Variants in FSD1 observed in about 807,000 individuals in gnomAD.
FSD1 encodes the protein fibronectin type III and SPRY domain containing 1.
In FSD1, 23 loss-of-function variants were observed where a neutral mutation model predicts 58.2. The ratio of observed to expected loss-of-function variants is 0.40; its 90% CI spans 0.28 to 0.56. The LOEUF (loss-of-function observed/expected upper bound fraction) is 0.56, where lower values mean the gene tolerates loss of function less well. Among genes scored for constraint, FSD1 ranks in the 20% least tolerant of loss-of-function variants. The pLI is 0.54. For missense variants in FSD1, 563 were observed against 670.8 expected, an observed-to-expected ratio of 0.84 and a Z score of 1.78; for synonymous variants, 265 against 263.4, an observed-to-expected ratio of 1.01 and a Z score of -0.06.
At chr19:4,316,989 T>C (rs1183264284) in intron 7 of FSD1, among the ~76,000 whole-genome samples, 193 bp from the exon 8 acceptor site, 3 of 151,998 alleles carry the variant, frequency 2.0e-5, no homozygotes, top group African/African-American at 4.8e-5. Context: ...CCAACCTCAG[T>C]TGATCCATGC....
chr19:4,313,150 C>A (rs1302228224), intron 7 of FSD1, among the ~76,000 whole-genome samples: 1 of 147,456 alleles, frequency 6.8e-6, no homozygotes, highest in Non-Finnish European at 1.5e-5. Context: ...GAGCTGGAGA[C>A]CAGCTTGGGT....
intron 8 of FSD1, among the ~76,000 whole-genome samples, chr19:4,317,555 G>T (rs1971768325): frequency 6.6e-6 from 1 of 152,212 alleles, no homozygotes; most frequent in African/African-American, 2.4e-5. Context: ...TAGAGCTGGG[G>T]ATGAGATTTG....
At position 4,321,176 on chromosome 19, in the gene FSD1, C is replaced by T. The variant is rs572296727; in HGVS notation, c.1040-1810C>T. Among the ~76,000 whole-genome samples, 29 of 109,476 alleles carry T rather than the reference C, an allele frequency of 2.6e-4. No individual in the cohort carries two copies. The Admixed American group carries it at 2.8e-3, about 11-fold the overall frequency. 71.8% of individuals were successfully genotyped at this position (109,476 alleles called of 152,430 possible). A position where few individuals can be genotyped will look rare whatever the true frequency, so the allele number is the denominator to read the frequency against. ...AGTATCTGGGGGGAATAGCTGGGAC[C>T]TGAGGAGCATCTGGAGGGAATAACT... On this transcript the variant is annotated intron_variant, in intron 10 of 12. Transcript: ENST00000221856.
In FSD1 at chr19:4,322,975, C is replaced by G. The variant is rs536864651; in HGVS notation, c.1040-11C>G. On this transcript the variant is annotated splice_polypyrimidine_tract_variant and intron_variant, in intron 10 of 12. Transcript: ENST00000221856. ...AGTTCCCCTGCCCACCCCTCCTGCC[C>G]TGCGCCACAGGGGACACGCTGATCG... 8 of 1,605,754 alleles carry G rather than the reference C, an allele frequency of 5.0e-6. No individual in the cohort carries two copies. In the East Asian group the frequency reaches 1.6e-4, roughly 32 times the overall value.
rs573182650 is a variant in FSD1, at chr19:4,323,011, G to T, written c.1065G>T (p.Glu355Asp). ...VLGDTLIDGG[E>D]HYWEVRYEPD... is the part of the protein sequence containing the mutation. ...GGGACACGCTGATCGACGGCGGGGA[G>T]CATTACTGGGAGGTGCGCTACGAGC... Residue 355 changes from glutamate to aspartate, a missense_variant, in exon 11 of 13, where the codon GAG becomes GAT. Glu to Asp is a conservative substitution (Grantham distance 45, BLOSUM62 2). Transcript: ENST00000221856. This position sits in a 1 kb window ranked among gnomAD's most constrained non-coding sequence, Gnocchi z 7.7. 6.2e-7 allele frequency: 1 copy of T among 1,611,658 alleles called. No individual in the cohort carries two copies. The highest frequency in any genetic ancestry group is 1.7e-5 in the Admixed American group (1 of 59,836).
chr19:4,310,515 A>C lies in FSD1; in HGVS notation c.409A>C (p.Lys137Gln). 1.2e-6 allele frequency: 2 copies of C among 1,613,752 alleles called. No homozygotes were observed. Among genetic ancestry groups the C allele is most frequent in the Non-Finnish European group, 1.7e-6 (2 of 1,179,766 alleles). ...APAFRLSLKA[K>Q]VSDNMSHLMV... ...TGCCTTCCGGCTATCATTGAAAGCG[A>C]AGGTCAGTGACAACATGAGTCACCT... The change falls in exon 6 of 13, where the codon AAG (lysine) becomes CAG (glutamine). Residue 137 changes from lysine to glutamine, a missense_variant. Coordinates refer to ENST00000221856, the MANE Select transcript of FSD1 (RefSeq NM_024333.3).
chr19:4,315,433 C>CA (rs1971743799), intron 7 of FSD1, among the ~76,000 whole-genome samples: 1 of 151,240 alleles, frequency 6.6e-6, no homozygotes. Context: ...CTCAGCCTCC[C>CA]AAGTAGCTGG....
At chr19:4,306,064 G>T (rs763711098) in intron 2 of FSD1, 23 bp downstream of exon 2, 40 of 1,605,360 alleles carry the variant, frequency 2.5e-5, no homozygotes, top group Non-Finnish European at 3.4e-5. Flanking sequence ...GGGCAGTCCT[G>T]GGGAGGTAAG....
chr19:4,322,852 G>T, intron 10 of FSD1, 134 bp from the exon 11 acceptor site: 1 of 1,119,088 alleles, frequency 8.9e-7, no homozygotes, highest in Non-Finnish European at 1.3e-6. Context: ...GGTACAGCTA[G>T]GAACCTGGGG....
intron 10 of FSD1, among the ~76,000 whole-genome samples, chr19:4,322,307 T>TG (rs373773101): frequency 1.3e-3 from 159 of 123,162 alleles, no homozygotes; most frequent in African/African-American, 4.8e-3. Flanking sequence ...GAGGAGTATC[T>TG]GGGGGGGCGG....
intron 10 of FSD1, among the ~76,000 whole-genome samples, chr19:4,319,745 G>C (rs1350913014): frequency 6.6e-6 from 1 of 152,054 alleles, no homozygotes; most frequent in South Asian, 2.1e-4. Flanking sequence ...GAGAGAGAGA[G>C]AGATCATCCT....
At chr19:4,311,302 AT>A (rs1971688367) in intron 6 of FSD1, 1 of 158,240 alleles carries the variant, frequency 6.3e-6, no homozygotes, top group South Asian at 1.9e-4. Context: ...CGCATCCCTC[AT>A]TGGCAGAGAT....
At chr19:4,307,741 C>T (rs574813236) in intron 3 of FSD1, 141 bp from the exon 4 acceptor site, 55 of 595,516 alleles carry the variant, frequency 9.2e-5, no homozygotes, top group African/African-American at 7.8e-4. Context: ...TTTGGTGGGG[C>T]GCTCAAGGCT....
intron 7 of FSD1, among the ~76,000 whole-genome samples, chr19:4,315,229 G>A (rs949910352): frequency 5.3e-5 from 8 of 150,992 alleles, no homozygotes; most frequent in African/African-American, 1.2e-4. Flanking sequence ...AGGTTCAAGC[G>A]ATTCTCCTGC....
At chr19:4,308,567 A>G (rs1181609218) in intron 4 of FSD1, among the ~76,000 whole-genome samples, 1 of 152,052 alleles carries the variant, frequency 6.6e-6, no homozygotes, top group African/African-American at 2.4e-5. Context: ...TACAAAAAAT[A>G]AAATAATTGG....
intron 7 of FSD1, among the ~76,000 whole-genome samples, chr19:4,314,067 G>T (rs115806669): frequency 0.01 from 1,598 of 152,210 alleles, 25 homozygotes; most frequent in African/African-American, 0.035. Flanking sequence ...TGATCCAGGG[G>T]AATCCCGGAG....
intron 8 of FSD1, among the ~76,000 whole-genome samples, chr19:4,317,962 A>G (rs1466214861): frequency 6.6e-6 from 1 of 152,180 alleles, no homozygotes; most frequent in Non-Finnish European, 1.5e-5. Context: ...GGTTGCAATG[A>G]GCCGAGATTG....
intron 4 of FSD1, among the ~76,000 whole-genome samples, chr19:4,308,595 T>C (rs183524414): frequency 1.9e-3 from 293 of 151,664 alleles, no homozygotes; most frequent in East Asian, 6.9e-3. Context: ...CAGGGGCTCA[T>C]GCCTGTAATC....
At chr19:4,313,459 C>T (rs560856189) in intron 7 of FSD1, among the ~76,000 whole-genome samples, 5 of 150,650 alleles carry the variant, frequency 3.3e-5, no homozygotes, top group Non-Finnish European at 7.4e-5. Flanking sequence ...GTGGCTCACA[C>T]CTGTACTCCC....
Sources: allele counts gnomAD v4.1 joint callset (sites outside exome capture counted in the v4.1 genomes callset), GRCh38; gene constraint gnomAD v4.1.1; non-coding constraint Gnocchi (gnomAD v3.1); transcripts MANE v1.5; gene names NCBI Gene and HGNC (gene_info 2026-07-23, HGNC 2026-07-21).